The following DNAH17 variants were observed in gnomAD, a reference collection of about 807,000 sequenced individuals.
DNAH17 encodes the protein dynein axonemal heavy chain 17.
DNAH17 carries 376 observed loss-of-function variants against 485.6 expected under a neutral mutation model. That is an observed-to-expected ratio of 0.77 (90% CI 0.71 to 0.84). The LOEUF (loss-of-function observed/expected upper bound fraction) is 0.84. DNAH17 is among the 40% of genes least tolerant of loss of function. DNAH17 has a pLI of 0.00. For missense variants in DNAH17, 6,370 were observed against 5,839.3 expected, an observed-to-expected ratio of 1.09 and a Z score of -2.96; for synonymous variants, 3,031 against 2,405.9, an observed-to-expected ratio of 1.26 and a Z score of -7.60.
intron 79 of DNAH17, among the ~76,000 whole-genome samples, 153 bp downstream of exon 79, chr17:78,426,304 T>C (rs1460208288): frequency 6.6e-6 from 1 of 152,194 alleles, no homozygotes; most frequent in Non-Finnish European, 1.5e-5. Context: ...GGGAGGGGCA[T>C]GGGCTAGGCC....
intron 22 of DNAH17, 36 bp downstream of exon 22, chr17:78,529,436 C>A: frequency 6.2e-7 from 1 of 1,606,266 alleles, no homozygotes; most frequent in East Asian, 2.2e-5. Context: ...GCTCTCCCTG[C>A]TCACCTGGAC....
intron 16 of DNAH17, 117 bp from the exon 17 acceptor site, chr17:78,544,114 A>T: frequency 1.4e-6 from 2 of 1,437,050 alleles, no homozygotes. Context: ...CTTGGATTGG[A>T]GTCTAGTTCT....
At chr17:78,523,037 T>C (rs1051915457) in intron 25 of DNAH17, among the ~76,000 whole-genome samples, 2 of 152,136 alleles carry the variant, frequency 1.3e-5, no homozygotes, top group African/African-American at 4.8e-5. Context: ...GTATTTTTAG[T>C]AGAAACAGGG....
chr17:78,456,413 G>A (rs1004603033), intron 62 of DNAH17, among the ~76,000 whole-genome samples: 15 of 151,768 alleles, frequency 9.9e-5, no homozygotes, highest in African/African-American at 3.7e-4. Context: ...TGCCCACATT[G>A]ACACCCGGCT....
In DNAH17 at chr17:78,492,717, C is replaced by T; in HGVS notation, c.6457G>A (p.Val2153Ile). The stretch of plus-strand genomic sequence containing the variant: ...GCCTTGGGGTCCAGGTCCACGGCGA[C>T]CGGCTTCCTCTTCAGGTTCTGATAG... The part of the protein sequence containing the change: ...KTYQNLKRKP[V>I]AVDLDPKAVT... The change falls in exon 42 of 81, where the codon GTC becomes ATC. Residue 2153 changes from valine (V) to isoleucine (I), a missense_variant. By Grantham distance (29) the Val-to-Ile change is conservative. Transcript: ENST00000389840. The T allele has an allele frequency of 1.9e-6, 3 of 1,613,016 alleles. No individual in the cohort carries two copies. The highest frequency in any genetic ancestry group is 2.2e-5 in the East Asian group (1 of 44,844).
intron 77 of DNAH17, 57 bp downstream of exon 77, chr17:78,428,468 C>T: frequency 2.6e-6 from 4 of 1,546,844 alleles, no homozygotes; most frequent in South Asian, 1.2e-5. Context: ...GTGACCCCCT[C>T]CTCAGTTCTA....
intron 21 of DNAH17, 113 bp downstream of exon 21, chr17:78,530,230 C>T: frequency 1.5e-6 from 2 of 1,303,408 alleles, no homozygotes; most frequent in South Asian, 1.6e-5. Flanking sequence ...CAGCCTCCAC[C>T]CCCTGCTACC....
At chr17:78,444,526 T>G in intron 71 of DNAH17, 78 bp downstream of exon 71, 1 of 1,390,228 alleles carries the variant, frequency 7.2e-7, no homozygotes, top group East Asian at 2.6e-5. Flanking sequence ...CCACAGAGAG[T>G]CTAGCACAGC....
chr17:78,566,470 C>T lies in DNAH17; in HGVS notation c.1569+144G>A, dbSNP rs955043088. 2.4e-5 allele frequency: 15 copies of T among 635,886 alleles called. No individual in the cohort carries two copies. In the Admixed American group the frequency reaches 3.3e-4, roughly 14 times the overall value. The allele number at this position is 635,886 out of a possible 1,614,324, so 39.4% of individuals were successfully genotyped here. On this transcript the variant is annotated intron_variant, in intron 11 of 80. Transcript: ENST00000389840. The stretch of plus-strand genomic sequence containing the variant: ...ACTGGGTGTTCACGGCTGACTGACT[C>T]TGAGGCACAGGAGACGGGCCCTCCC...
At chr17:78,474,665 C>T (rs889261487) in intron 54 of DNAH17, among the ~76,000 whole-genome samples, 1 of 148,354 alleles carries the variant, frequency 6.7e-6, no homozygotes, top group Non-Finnish European at 1.5e-5. Context: ...AGTTGACAGA[C>T]ACACTCTTCA....
chr17:78,506,769 G>A lies in DNAH17; in HGVS notation c.4754C>T (p.Ser1585Phe), dbSNP rs757276228. 6.2e-7 allele frequency: 1 copy of A among 1,613,990 alleles called. No homozygotes were observed. The highest frequency in any genetic ancestry group is 8.5e-7 in the Non-Finnish European group (1 of 1,179,882). ...RLAFPRFYFV[S>F]SADLLDILSN... is the part of the protein sequence containing the mutation. The stretch of plus-strand genomic sequence containing the variant: ...GAGAATGTCCAGGAGGTCAGCCGAG[G>A]AGACAAAATAGAACCGGGGGAAAGC... The change falls in exon 30 of 81, where the codon TCC (serine) becomes TTC (phenylalanine). Residue 1585 changes from serine (S) to phenylalanine (F), a missense_variant. By Grantham distance (155) the Ser-to-Phe change is radical. Coordinates refer to ENST00000389840, the MANE Select transcript of DNAH17 (RefSeq NM_173628.4).
At position 78,561,788 on chromosome 17, in the gene DNAH17, G is replaced by A. The variant is rs757692985; in HGVS notation, c.1762C>T (p.Gln588Ter). 3.3e-5 allele frequency: 54 copies of A among 1,613,398 alleles called. No homozygotes were observed. The highest frequency in any genetic ancestry group is 4.4e-5 in the Non-Finnish European group (52 of 1,179,722). The change falls in exon 12 of 81, where the codon CAG becomes TAG. Residue 588 changes from glutamine to a stop codon, truncating the protein, a stop_gained. Coordinates refer to ENST00000389840, the MANE Select transcript of DNAH17 (RefSeq NM_173628.4). LOFTEE classifies it high-confidence loss of function. ...IHKNMPPVAG[Q>*]LKWSLELQER... ...TGCAGCTCCAGGCTCCATTTGAGCT[G>A]CCCGGCCACGGGAGGCATGTTTTTG...
chr17:78,502,714 C>T lies in DNAH17; in HGVS notation c.5083-16G>A, dbSNP rs2090342269. 4.4e-6 allele frequency: 7 copies of T among 1,608,614 alleles called. No individual in the cohort carries two copies. The highest frequency in any genetic ancestry group is 5.9e-6 in the Non-Finnish European group (7 of 1,179,186). On this transcript the variant is annotated splice_polypyrimidine_tract_variant and intron_variant, in intron 32 of 80. Coordinates refer to ENST00000389840, the MANE Select transcript of DNAH17 (RefSeq NM_173628.4). ...TCAGGGCCACCTGAAAGTACATACC[C>T]CCCATTGCCCACGCAGTGAGCGATC...
rs533553380 is a variant in DNAH17, at chr17:78,455,693, C to T, written c.10121G>A (p.Arg3374Gln). The T allele has an allele frequency of 5.0e-6, 8 of 1,585,796 alleles. No individual in the cohort carries two copies. Among genetic ancestry groups the T allele is most frequent in the South Asian group, 1.2e-5 (1 of 86,716 alleles). ...SYVGYFTKKY[R>Q]NELMEKFWIP... The stretch of plus-strand genomic sequence containing the variant: ...CCAGAATTTCTCCATCAGCTCATTC[C>T]GGTATTTCTTGGTGAAGTAGCCCAC... The change falls in exon 63 of 81, where the codon CGG (arginine) becomes CAG (glutamine). Residue 3374 changes from arginine (R) to glutamine (Q), a missense_variant. By Grantham distance (43) the Arg-to-Gln change is conservative (BLOSUM62 1). Transcript: ENST00000389840.
At chr17:78,530,088 T>A (rs894965) in intron 21 of DNAH17, among the ~76,000 whole-genome samples, 93,221 of 152,112 alleles carry the variant, frequency 0.61, 28,790 homozygotes, top group African/African-American at 0.64. Context: ...GACAGACTTC[T>A]GGTTTCCTCC....
chr17:78,489,916 C>G (rs2089776476), intron 44 of DNAH17: 1 of 152,020 alleles, frequency 6.6e-6, no homozygotes, highest in South Asian at 2.1e-4. Flanking sequence ...TCCTCTGGAG[C>G]CTCTTGCCTC....
intron 11 of DNAH17, among the ~76,000 whole-genome samples, chr17:78,562,795 A>T (rs2092185200): frequency 6.6e-6 from 1 of 152,256 alleles, no homozygotes; most frequent in South Asian, 2.1e-4. Context: ...TGAGGCAAGA[A>T]AACCACCATC....
chr17:78,428,948 G>T (rs991992765), intron 76 of DNAH17, among the ~76,000 whole-genome samples, 173 bp downstream of exon 76: 1 of 132,418 alleles, frequency 7.6e-6, no homozygotes, highest in African/African-American at 2.7e-5. Context: ...AAAAAAAAAG[G>T]TTGTTTGTAT....
At chr17:78,484,759 C>CCCCGG in intron 48 of DNAH17, 109 bp downstream of exon 48, 1 of 675,586 alleles carries the variant, frequency 1.5e-6, no homozygotes, top group Non-Finnish European at 2.0e-6. Context: ...CCGCCCCACA[C>CCCCGG]CAGTCCTGCC....
Sources: gnomAD v4.1 joint callset for allele counts (sites outside exome capture counted in the v4.1 genomes callset) on GRCh38, gnomAD v4.1.1 for gene constraint, MANE v1.5 for transcripts, NCBI Gene and HGNC (gene_info 2026-07-23, HGNC 2026-07-21) for gene names.